The following SGO1 variants were observed in gnomAD, a reference collection of about 807,000 sequenced individuals.
SGO1 encodes the protein shugoshin 1, also known as serologically defined breast cancer antigen NY-BR-85.
In SGO1, 39 loss-of-function variants were observed where a neutral mutation model predicts 50.5. The observed-to-expected ratio is 0.77, with a 90% CI of 0.60 to 1.01. The LOEUF (loss-of-function observed/expected upper bound fraction) is 1.01. Ranked by LOEUF, SGO1 falls within the 50% of genes least tolerant of loss-of-function variation. The pLI is 0.00. For missense variants in SGO1, 638 were observed against 606.0 expected (o/e 1.05, Z -0.55); for synonymous variants, 191 against 205.1 (o/e 0.93, Z 0.59).
intron 6 of SGO1, among the ~76,000 whole-genome samples, chr3:20,173,033 T>C (rs1489486484): frequency 1.3e-5 from 2 of 152,214 alleles, no homozygotes; most frequent in Admixed American, 6.5e-5. Flanking sequence ...TACACAAAGA[T>C]GGCAATAACA....
At chr3:20,179,413 C>T (rs368569822) in intron 3 of SGO1, among the ~76,000 whole-genome samples, 10 of 151,936 alleles carry the variant, frequency 6.6e-5, no homozygotes, top group African/African-American at 2.4e-4. Context: ...TAAGATGAGT[C>T]TACAACAACT....
At position 20,174,753 on chromosome 3, in the gene SGO1, T is replaced by A. The variant is rs756992685; in HGVS notation, c.778A>T (p.Ile260Phe). ...KDQVNLSPKL[I>F]QPGTFTKTKE... Reference sequence around the variant, plus strand: ...GTTTTAGTAAACGTTCCTGGCTGAATCAGCTTTGGTGATAAGTTAACTTGG... The same window carrying A: ...GTTTTAGTAAACGTTCCTGGCTGAAACAGCTTTGGTGATAAGTTAACTTGG... Residue 260 changes from isoleucine to phenylalanine, a missense_variant, in exon 6 of 8, where the codon ATT (isoleucine) becomes TTT (phenylalanine). Transcript: ENST00000412997. 1 of 1,614,122 alleles carries A rather than the reference T, an allele frequency of 6.2e-7. No individual in the cohort carries two copies. The highest frequency in any genetic ancestry group is 8.5e-7 in the Non-Finnish European group (1 of 1,180,022).
downstream of SGO1, among the ~76,000 whole-genome samples, chr3:20,165,612 G>A (rs1184137886): frequency 6.6e-6 from 1 of 152,096 alleles, no homozygotes; most frequent in South Asian, 2.1e-4. Context: ...TTGGTGTCAA[G>A]TTCACCAAAC....
In SGO1 at chr3:20,171,234, T is replaced by C. The variant is rs1280677547; in HGVS notation, c.1283-2A>G. On this transcript the variant is annotated splice_acceptor_variant, in intron 6 of 7. Coordinates refer to ENST00000412997, the MANE Select transcript of SGO1 (RefSeq NM_001199251.3). LOFTEE classifies it high-confidence loss of function. The stretch of plus-strand genomic sequence containing the variant: ...ACTGCTGAGTTTCAGGTGGTGTAGC[T>C]ACAAAACAATTTTTACTGAATATGA... The C allele has an allele frequency of 1.3e-6, 2 of 1,548,952 alleles. No individual in the cohort carries two copies. The highest frequency in any genetic ancestry group is 1.7e-6 in the Non-Finnish European group (2 of 1,156,688).
intron 5 of SGO1, among the ~76,000 whole-genome samples, chr3:20,175,499 C>A (rs1701276586): frequency 1.3e-5 from 2 of 152,104 alleles, no homozygotes; most frequent in Admixed American, 1.3e-4. Flanking sequence ...TCTTTATAAT[C>A]TTTAAAAACA....
Position 20,176,093 on chromosome 3 carries a change from C to T in SGO1, c.475+508G>A, listed in dbSNP as rs190321619. Among the ~76,000 whole-genome samples the T allele has an allele frequency of 1.7e-3, 264 of 152,302 alleles. 4 individuals are homozygous for T. The Middle Eastern group carries it at 0.024, about 14-fold the overall frequency. On this transcript the variant is annotated intron_variant, in intron 5 of 7. Transcript: ENST00000412997. ...CTGGTTTTGCTTATTCAAATACTAT[C>T]CTTTCTTCAATGCTTGGTTCAAGTG...
At chr3:20,170,958 A>G in intron 7 of SGO1, 85 bp downstream of exon 7, 2 of 1,473,938 alleles carry the variant, frequency 1.4e-6, no homozygotes, top group Non-Finnish European at 1.8e-6. Context: ...ATTTCAGAAA[A>G]AACTCATTCT....
intron 4 of SGO1, 30 bp downstream of exon 4, chr3:20,178,241 A>C: frequency 6.9e-7 from 1 of 1,455,386 alleles, no homozygotes; most frequent in Non-Finnish European, 9.6e-7. Context: ...TCTTAGTATT[A>C]ATAATCATGA....
chr3:20,174,614 AT>A lies in SGO1; in HGVS notation c.916del (p.Met306CysfsTer47), dbSNP rs1701160598. ...RKANRRKSKR[M>X]SKYKENKSEN... ...GCTTTTATTCTCTTTATATTTTGAC[AT>A]ACGTTTTGATTTTCTCCTGTTAGCT... On this transcript the variant is annotated frameshift_variant, in exon 6 of 8. Transcript: ENST00000412997. LOFTEE classifies it high-confidence loss of function. The A allele has an allele frequency of 6.3e-7, 1 of 1,599,954 alleles. No homozygotes were observed. Among genetic ancestry groups the A allele is most frequent in the African/African-American group, 1.4e-5 (1 of 73,858 alleles).
chr3:20,177,088 A>C (rs1399606126), intron 4 of SGO1: 1 of 153,106 alleles, frequency 6.5e-6, no homozygotes, highest in Non-Finnish European at 1.5e-5. Context: ...AACTCTTCTG[A>C]AGTTAACATT....
At position 20,174,930 on chromosome 3, in the gene SGO1, T is replaced by C. The variant is rs769439762; in HGVS notation, c.601A>G (p.Ser201Gly). The C allele has an allele frequency of 1.2e-6, 2 of 1,614,058 alleles. No individual in the cohort carries two copies. Among genetic ancestry groups the C allele is most frequent in the South Asian group, 2.2e-5 (2 of 91,072 alleles). Residue 201 changes from serine to glycine, a missense_variant, in exon 6 of 8, where the codon AGT becomes GGT. Ser to Gly is a moderately conservative substitution (Grantham distance 56). Coordinates refer to ENST00000412997, the MANE Select transcript of SGO1 (RefSeq NM_001199251.3). ...TCCAAGCTATCAAACTGACATATACTGTTACAATGTTTCTTTAAACTGCTA... is the reference window on the plus strand; with the variant it reads ...TCCAAGCTATCAAACTGACATATACCGTTACAATGTTTCTTTAAACTGCTA... Reference protein sequence around the residue: ...VRSSLKKHCNSICQFDSLDDF... With the variant: ...VRSSLKKHCNGICQFDSLDDF...
chr3:20,183,678 T>C lies in SGO1; in HGVS notation c.269A>G (p.Tyr90Cys). Reference sequence around the variant, plus strand: ...TGCATATAGCTGACATGTGAGATAGTAACATTCTTTTCTCAGCTGTAGGAT... The same window carrying C: ...TGCATATAGCTGACATGTGAGATAGCAACATTCTTTTCTCAGCTGTAGGAT... ...DIILQLRKEC[Y>C]YLTCQLYALK... is the part of the protein sequence containing the mutation. The change falls in exon 3 of 8, where the codon TAC becomes TGC. Residue 90 changes from tyrosine to cysteine, a missense_variant. Coordinates refer to ENST00000412997, the MANE Select transcript of SGO1 (RefSeq NM_001199251.3). 1 of 1,612,208 alleles carries C rather than the reference T, an allele frequency of 6.2e-7. No homozygotes were observed. Among genetic ancestry groups the C allele is most frequent in the Non-Finnish European group, 8.5e-7 (1 of 1,179,496 alleles).
chr3:20,169,411 C>T (rs1700498314), downstream of SGO1: 2 of 984,640 alleles, frequency 2.0e-6, no homozygotes, highest in Non-Finnish European at 2.4e-6. Context: ...GAGGAAATGT[C>T]CAAGGATGAG....
intron 6 of SGO1, among the ~76,000 whole-genome samples, chr3:20,173,279 C>T (rs908410968): frequency 4.0e-5 from 6 of 151,684 alleles, no homozygotes; most frequent in Admixed American, 1.3e-4. Flanking sequence ...CTGGGATTAC[C>T]GGCACATACC....
chr3:20,169,365 C>A (rs552898892), downstream of SGO1: 10 of 983,426 alleles, frequency 1.0e-5, no homozygotes, highest in South Asian at 4.7e-5. Context: ...CCTAGAACAC[C>A]CCCCCCTCAA....
At chr3:20,163,066 T>C (rs1427486988) in intron 8 of SGO1, among the ~76,000 whole-genome samples, 1 of 152,052 alleles carries the variant, frequency 6.6e-6, no homozygotes, top group Non-Finnish European at 1.5e-5. Context: ...CTTAAGAAGT[T>C]AGGAAAGGGC....
Position 20,183,996 on chromosome 3 carries a change from A to G in SGO1, c.32T>C (p.Phe11Ser), listed in dbSNP as rs771624740. Residue 11 changes from phenylalanine (F) to serine (S), a missense_variant, in exon 2 of 8, where the codon TTT (phenylalanine) becomes TCT (serine). Physicochemically the swap from Phe to Ser is radical, Grantham distance 155. Coordinates refer to ENST00000412997, the MANE Select transcript of SGO1 (RefSeq NM_001199251.3). ...CTTTATGTCTTCAAGACTATCTTGA[A>G]AGGACTTTTTCAGGCATCTTTCCTT... The part of the protein sequence containing the change: MAKERCLKKS[F>S]QDSLEDIKKR... 5.0e-6 allele frequency: 8 copies of G among 1,594,416 alleles called. No individual in the cohort carries two copies. The South Asian group carries it at 8.2e-5, about 16-fold the overall frequency.
At chr3:20,178,383 G>A (rs753889944) in intron 3 of SGO1, 36 bp from the exon 4 acceptor site, 1 of 1,407,524 alleles carries the variant, frequency 7.1e-7, no homozygotes, top group East Asian at 2.3e-5. Context: ...TGTTATAACT[G>A]AAGTATTCAC....
chr3:20,167,341 T>C (rs931651273), downstream of SGO1, among the ~76,000 whole-genome samples: 1 of 152,168 alleles, frequency 6.6e-6, no homozygotes, highest in Non-Finnish European at 1.5e-5. Context: ...AAGAAGGTGG[T>C]AGACGATACT....
Sources: gnomAD v4.1 joint callset for allele counts (sites outside exome capture counted in the v4.1 genomes callset) on GRCh38, gnomAD v4.1.1 for gene constraint, MANE v1.5 for transcripts, NCBI Gene and HGNC (gene_info 2026-07-23, HGNC 2026-07-21) for gene names.